The following NALF1 variants were observed in gnomAD, a reference collection of about 807,000 sequenced individuals.
NALF1 encodes the protein family with sequence similarity 155 member A.
Under a neutral mutation model 48.4 loss-of-function variants are expected in NALF1, and 3 were observed. The ratio of observed to expected loss-of-function variants is 0.06; its 90% CI spans 0.03 to 0.16. The LOEUF (loss-of-function observed/expected upper bound fraction) is 0.16, where lower values mean the gene tolerates loss of function less well. NALF1 is among the 10% of genes least tolerant of loss of function. The probability of loss-of-function intolerance (pLI) is 1.00; values close to 1 mark genes in which losing one functional copy is unlikely to be tolerated. For synonymous variants in NALF1, 262 were observed against 245.7 expected (o/e 1.07, Z -0.62); for missense variants, 526 against 571.5 (o/e 0.92, Z 0.81).
chr13:107,857,589 G>A (rs1352815155), intron 1 of NALF1, among the ~76,000 whole-genome samples: 2 of 152,152 alleles, frequency 1.3e-5, no homozygotes, highest in Non-Finnish European at 1.5e-5. Context: ...TGTAGCACAT[G>A]TTAATCTCTA....
At chr13:107,263,808 A>G (rs1880984760) in intron 1 of NALF1, among the ~76,000 whole-genome samples, 2 of 152,184 alleles carry the variant, frequency 1.3e-5, no homozygotes, top group African/African-American at 4.8e-5. Context: ...AATGGTCTGT[A>G]CAACCCATCC....
chr13:107,327,315 G>C (rs1371487711), intron 1 of NALF1, among the ~76,000 whole-genome samples: 2 of 152,014 alleles, frequency 1.3e-5, no homozygotes, highest in East Asian at 1.9e-4. Flanking sequence ...GCCTTGGCCT[G>C]CTGACTTGTA....
chr13:107,714,504 C>T (rs191722641), intron 1 of NALF1, among the ~76,000 whole-genome samples: 1 of 151,386 alleles, frequency 6.6e-6, no homozygotes, highest in Non-Finnish European at 1.5e-5. Flanking sequence ...CCTATCTCTA[C>T]AAAAATATAA....
chr13:107,233,388 G>A (rs1392901565), intron 1 of NALF1, among the ~76,000 whole-genome samples: 3 of 152,160 alleles, frequency 2.0e-5, no homozygotes, highest in Non-Finnish European at 4.4e-5. Context: ...AAGATTACAA[G>A]TTAAAACAAG....
chr13:107,500,399 A>G (rs189493284), intron 1 of NALF1, among the ~76,000 whole-genome samples: 217 of 152,266 alleles, frequency 1.4e-3, no homozygotes, highest in African/African-American at 4.7e-3. Context: ...CAAAACCACA[A>G]TGAGACACCA....
chr13:107,205,468 G>C (rs1431882098), intron 2 of NALF1, among the ~76,000 whole-genome samples: 1 of 151,986 alleles, frequency 6.6e-6, no homozygotes, highest in Non-Finnish European at 1.5e-5. Context: ...CGTCCTTTCA[G>C]ACTCTCTGCA....
At chr13:107,812,038 T>C (rs542948140) in intron 1 of NALF1, among the ~76,000 whole-genome samples, 14 of 152,172 alleles carry the variant, frequency 9.2e-5, no homozygotes, top group Non-Finnish European at 1.3e-4. Context: ...ATCTAAGAAA[T>C]AGAAAATATT....
intron 1 of NALF1, among the ~76,000 whole-genome samples, chr13:107,752,524 A>G (rs1201066716): frequency 6.6e-6 from 1 of 152,176 alleles, no homozygotes; most frequent in Non-Finnish European, 1.5e-5. Context: ...ATAATGGAAT[A>G]CTATTCAGCA....
intron 1 of NALF1, among the ~76,000 whole-genome samples, chr13:107,451,242 C>A (rs944975019): frequency 7.9e-5 from 12 of 152,120 alleles, no homozygotes; most frequent in Non-Finnish European, 1.8e-4. Context: ...ATAGAAAGAC[C>A]CGCCAGTAAG....
chr13:107,541,084 G>C (rs756061387), intron 1 of NALF1, among the ~76,000 whole-genome samples: 1 of 152,094 alleles, frequency 6.6e-6, no homozygotes, highest in Non-Finnish European at 1.5e-5. Flanking sequence ...TGAAAAGCAA[G>C]ATTCATGCTC....
intron 1 of NALF1, among the ~76,000 whole-genome samples, chr13:107,802,958 T>C (rs1878666254): frequency 2.0e-5 from 3 of 152,220 alleles, no homozygotes; most frequent in African/African-American, 7.2e-5. Context: ...GTAAATTCAA[T>C]TGTGCTGGAT....
intron 1 of NALF1, among the ~76,000 whole-genome samples, chr13:107,359,302 T>G (rs553289559): frequency 8.3e-4 from 126 of 152,212 alleles, no homozygotes; most frequent in African/African-American, 2.9e-3. Flanking sequence ...GTTAACTGAT[T>G]TATTTTGTGT....
At chr13:107,608,697 A>T (rs1163881807) in intron 1 of NALF1, among the ~76,000 whole-genome samples, 1 of 152,232 alleles carries the variant, frequency 6.6e-6, no homozygotes, top group East Asian at 1.9e-4. Flanking sequence ...TTGAAAATTG[A>T]AGAGAAAAAA....
intron 2 of NALF1, among the ~76,000 whole-genome samples, chr13:107,204,457 T>C (rs1879593275): frequency 6.6e-6 from 1 of 152,164 alleles, no homozygotes; most frequent in East Asian, 1.9e-4. Context: ...CCAAAATTCA[T>C]AGCTACTGGC....
chr13:107,723,105 T>C lies in NALF1; in HGVS notation c.915+142577A>G, dbSNP rs183197787. 6.6e-5 allele frequency among the ~76,000 whole-genome samples: 10 copies of C among 152,342 alleles called. No homozygotes were observed. The East Asian group carries it at 7.7e-4, about 12-fold the overall frequency. ...ACATCCTGATTAATTATTGCCTTCATTCATCACATTCAGTCAGCGGATTGG... is the reference window on the plus strand; with the variant it reads ...ACATCCTGATTAATTATTGCCTTCACTCATCACATTCAGTCAGCGGATTGG... On this transcript the variant is annotated intron_variant, in intron 1 of 2. Transcript: ENST00000375915.
chr13:107,226,182 G>C (rs1222023835), intron 1 of NALF1, among the ~76,000 whole-genome samples: 1 of 152,074 alleles, frequency 6.6e-6, no homozygotes, highest in East Asian at 1.9e-4. Context: ...AGAGCAGGCT[G>C]CATTGGATGA....
intron 1 of NALF1, among the ~76,000 whole-genome samples, chr13:107,344,142 G>A (rs1882732860): frequency 1.3e-5 from 2 of 152,070 alleles, no homozygotes; most frequent in South Asian, 2.1e-4. Context: ...GAACTATGAA[G>A]AATTAGAAAA....
intron 1 of NALF1, among the ~76,000 whole-genome samples, chr13:107,779,691 C>T (rs1877831321): frequency 6.6e-6 from 1 of 152,192 alleles, no homozygotes; most frequent in Non-Finnish European, 1.5e-5. Flanking sequence ...ATACATTAAG[C>T]TGAGATCTCT....
intron 1 of NALF1, among the ~76,000 whole-genome samples, chr13:107,809,111 G>A (rs1878906627): frequency 1.3e-5 from 2 of 151,802 alleles, no homozygotes; most frequent in South Asian, 4.2e-4. Context: ...TTTTAAATAA[G>A]GTGCAGAGTT....
Sources: gnomAD v4.1 joint callset for allele counts (sites outside exome capture counted in the v4.1 genomes callset) on GRCh38, gnomAD v4.1.1 for gene constraint, MANE v1.5 for transcripts, NCBI Gene and HGNC (gene_info 2026-07-23, HGNC 2026-07-21) for gene names.